DERA: variants seen among roughly 807,000 people sequenced by gnomAD.
DERA encodes the protein deoxyribose-phosphate aldolase.
DERA carries 15 observed loss-of-function variants against 41.1 expected under a neutral mutation model. That is an observed-to-expected ratio of 0.37 (90% CI 0.24 to 0.56). The LOEUF (loss-of-function observed/expected upper bound fraction) is 0.56. Among genes scored for constraint, DERA ranks in the 20% least tolerant of loss-of-function variants. The pLI is 0.81. For missense variants in DERA, 396 were observed against 403.4 expected (o/e 0.98, Z 0.16); for synonymous variants, 139 against 137.4 (o/e 1.01, Z -0.08).
Position 15,982,057 on chromosome 12 carries a change from A to T in DERA, c.509-251A>T, listed in dbSNP as rs1457970563. On this transcript the variant is annotated intron_variant, in intron 5 of 8. Coordinates refer to ENST00000428559, the MANE Select transcript of DERA (RefSeq NM_015954.4). This position sits in a 1 kb window ranked among gnomAD's most constrained non-coding sequence, Gnocchi z 4.0. ...ATTTGCATGTCATTATGATATTTAA[A>T]AAGCTCTATGTCTCTGGACCTCAGG... Among the ~76,000 whole-genome samples the T allele has an allele frequency of 6.6e-6, 1 of 152,188 alleles. No individual in the cohort carries two copies. Among genetic ancestry groups the T allele is most frequent in the Non-Finnish European group, 1.5e-5 (1 of 68,024 alleles).
At position 15,922,905 on chromosome 12, in the gene DERA, G is replaced by C. The variant is rs868643797; in HGVS notation, c.31+11491G>C. Among the ~76,000 whole-genome samples the C allele has an allele frequency of 6.6e-6, 1 of 152,098 alleles. No homozygotes were observed. Among genetic ancestry groups the C allele is most frequent in the Admixed American group, 6.5e-5 (1 of 15,272 alleles). ...CACTCTGGTGGGGGATGTTGATAATGGGGGAGGCTATGCATGTGTGGGGCA... is the reference window on the plus strand; with the variant it reads ...CACTCTGGTGGGGGATGTTGATAATCGGGGAGGCTATGCATGTGTGGGGCA... On this transcript the variant is annotated intron_variant, in intron 1 of 8. Coordinates refer to ENST00000428559, the MANE Select transcript of DERA (RefSeq NM_015954.4). This position sits in a 1 kb window ranked among gnomAD's most constrained non-coding sequence, Gnocchi z 4.9.
intron 7 of DERA, among the ~76,000 whole-genome samples, chr12:16,033,330 T>C (rs1949105395): frequency 6.6e-6 from 1 of 152,244 alleles, no homozygotes; most frequent in South Asian, 2.1e-4. Context: ...GAATTAAATA[T>C]CAATTTTTGC....
intron 1 of DERA, among the ~76,000 whole-genome samples, chr12:15,939,388 G>A (rs1592007885): frequency 6.6e-6 from 1 of 152,178 alleles, no homozygotes; most frequent in Non-Finnish European, 1.5e-5. Flanking sequence ...ATGTTTTGTG[G>A]TGGTTGTTAT....
Position 15,982,730 on chromosome 12 carries a change from C to T in DERA, c.637+294C>T, listed in dbSNP as rs1325200867. Among the ~76,000 whole-genome samples the T allele has an allele frequency of 6.6e-6, 1 of 152,124 alleles. No homozygotes were observed. Among genetic ancestry groups the T allele is most frequent in the Admixed American group, 6.5e-5 (1 of 15,272 alleles). ...TTCTGTTTTATTCTTTGATTATTCA[C>T]TCATCAACATATGTTAGACAGGAAT... On this transcript the variant is annotated intron_variant, in intron 6 of 8. Transcript: ENST00000428559. The surrounding 1 kb of genome is among the most constrained non-coding windows in gnomAD (Gnocchi z 4.0).
rs540039292 is a variant in DERA, at chr12:16,017,847, T to G, written c.638-14695T>G. 1.3e-5 allele frequency among the ~76,000 whole-genome samples: 2 copies of G among 152,232 alleles called. No homozygotes were observed. The highest frequency in any genetic ancestry group is 3.9e-4 in the East Asian group (2 of 5,180). On this transcript the variant is annotated intron_variant, in intron 6 of 8. Transcript: ENST00000428559. This position sits in a 1 kb window ranked among gnomAD's most constrained non-coding sequence, Gnocchi z 5.5. ...TAATGAATAATGTACCCAAAAGCTC[T>G]TATTATAGGGTTGGTATGAATTCCA...
intron 5 of DERA, among the ~76,000 whole-genome samples, chr12:15,969,186 T>A (rs563754936): frequency 6.6e-6 from 1 of 152,244 alleles, no homozygotes; most frequent in Non-Finnish European, 1.5e-5. Flanking sequence ...CCAGAAGTTG[T>A]TCATCATTTC....
chr12:15,928,697 T>C lies in DERA; in HGVS notation c.31+17283T>C, dbSNP rs1948305245. On this transcript the variant is annotated intron_variant, in intron 1 of 8. Transcript: ENST00000428559. The surrounding 1 kb of genome is among the most constrained non-coding windows in gnomAD (Gnocchi z 4.6). ...TATTAAAAGCTGTCTGGGAGAAGAATAGAAAATTCGGCTCTCACTAAAGTG... is the reference window on the plus strand; with the variant it reads ...TATTAAAAGCTGTCTGGGAGAAGAACAGAAAATTCGGCTCTCACTAAAGTG... 6.6e-6 allele frequency among the ~76,000 whole-genome samples: 1 copy of C among 152,028 alleles called. No individual in the cohort carries two copies. The highest frequency in any genetic ancestry group is 2.4e-5 in the African/African-American group (1 of 41,342).
chr12:15,930,797 TA>T (rs2136130163), intron 1 of DERA, among the ~76,000 whole-genome samples: 1 of 152,226 alleles, frequency 6.6e-6, no homozygotes, highest in East Asian at 1.9e-4. Context: ...GTATGAAAAG[TA>T]AATGTTCCTG....
Position 15,995,416 on chromosome 12 carries a change from T to C in DERA, c.637+12980T>C, listed in dbSNP as rs57968352. Among the ~76,000 whole-genome samples, 9,940 of 152,150 alleles carry C rather than the reference T, an allele frequency of 0.065. 1,045 individuals carry two copies. Among genetic ancestry groups the C allele is most frequent in the African/African-American group, 0.22 (9,154 of 41,470 alleles). On this transcript the variant is annotated intron_variant, in intron 6 of 8. Coordinates refer to ENST00000428559, the MANE Select transcript of DERA (RefSeq NM_015954.4). The surrounding 1 kb of genome is among the most constrained non-coding windows in gnomAD (Gnocchi z 5.1). ...AGAGCTAAAAGATCTCTTCTCAGGC[T>C]GCTTCCACTGTTATTTGTGTTTAGC...
chr12:15,949,064 C>T (rs962242864), intron 1 of DERA, among the ~76,000 whole-genome samples: 9 of 152,106 alleles, frequency 5.9e-5, no homozygotes, highest in East Asian at 1.9e-4. Context: ...CTGGGAGCTT[C>T]GTCTCAGAGG....
intron 5 of DERA, among the ~76,000 whole-genome samples, chr12:15,973,588 A>T (rs765046168): frequency 6.6e-6 from 1 of 152,206 alleles, no homozygotes; most frequent in Non-Finnish European, 1.5e-5. Context: ...ATATTTAACT[A>T]TAAGGACATT....
chr12:15,956,793 A>G, intron 1 of DERA, 143 bp from the exon 2 acceptor site: 1 of 745,198 alleles, frequency 1.3e-6, no homozygotes, highest in Non-Finnish European at 2.4e-6. Flanking sequence ...TTGTTTATTT[A>G]TAGTTGTACA....
At chr12:15,944,619 C>G (rs892983425) in intron 1 of DERA, among the ~76,000 whole-genome samples, 17 of 152,078 alleles carry the variant, frequency 1.1e-4, no homozygotes, top group Non-Finnish European at 2.4e-4. Context: ...TTTGTATATT[C>G]TGGATATTAG....
In DERA at chr12:16,024,748, T is replaced by G. The variant is rs141335450; in HGVS notation, c.638-7794T>G. Among the ~76,000 whole-genome samples the G allele has an allele frequency of 4.0e-4, 61 of 152,286 alleles. 1 individual carries two copies. Among genetic ancestry groups the G allele is most frequent in the African/African-American group, 1.4e-3 (58 of 41,578 alleles). On this transcript the variant is annotated intron_variant, in intron 6 of 8. Transcript: ENST00000428559. ...TTTCTCAGGGAGAAGAAAACTTATA[T>G]AGATCAGAAGCTTTGATCTGCATTT...
rs1948368696 is a variant in DERA at position 15,936,880 on chromosome 12, CTTGTCT to C, written c.32-20054_32-20049del. On this transcript the variant is annotated intron_variant, in intron 1 of 8. Transcript: ENST00000428559. The surrounding 1 kb of genome is among the most constrained non-coding windows in gnomAD (Gnocchi z 4.6). ...CTTGTCTTGTCTTGTCTTGTCTTGT[CTTGTCT>C]TGTCCTGTCCTGTCCTGTCCTGTCC... Among the ~76,000 whole-genome samples the C allele has an allele frequency of 4.1e-5, 6 of 144,656 alleles. No individual in the cohort carries two copies. Among genetic ancestry groups the C allele is most frequent in the African/African-American group, 1.1e-4 (4 of 37,484 alleles). The allele number at this position is 144,656 out of a possible 152,430, so 94.9% of individuals were successfully genotyped here.
Position 15,922,298 on chromosome 12 carries a change from T to TTAATCATTTAG in DERA, c.31+10884_31+10885insTAATCATTTAG, listed in dbSNP as rs1294367731. 9.2e-5 allele frequency among the ~76,000 whole-genome samples: 14 copies of TTAATCATTTAG among 152,234 alleles called. No individual in the cohort carries two copies. The highest frequency in any genetic ancestry group is 1.9e-4 in the Non-Finnish European group (13 of 68,042). ...AATGATTAGCCAGTCAACATTGTAT[T>TTAATCATTTAG]ATTAACCTTTAGATAATCATTTAAA... On this transcript the variant is annotated intron_variant, in intron 1 of 8. Coordinates refer to ENST00000428559, the MANE Select transcript of DERA (RefSeq NM_015954.4). This position sits in a 1 kb window ranked among gnomAD's most constrained non-coding sequence, Gnocchi z 4.9.
rs2136191720 is a variant in DERA at position 16,035,874 on chromosome 12, C to T, written c.751-358C>T. On this transcript the variant is annotated intron_variant, in intron 7 of 8. Coordinates refer to ENST00000428559, the MANE Select transcript of DERA (RefSeq NM_015954.4). This position sits in a 1 kb window ranked among gnomAD's most constrained non-coding sequence, Gnocchi z 4.1. ...GGAAATGTAGAATGAGTGGGCTTTGCTTTTGTGATCTGTTTTCCTATTTAT... is the reference window on the plus strand; with the variant it reads ...GGAAATGTAGAATGAGTGGGCTTTGTTTTTGTGATCTGTTTTCCTATTTAT... 6.6e-6 allele frequency among the ~76,000 whole-genome samples: 1 copy of T among 152,256 alleles called. No individual in the cohort carries two copies. The highest frequency in any genetic ancestry group is 2.4e-5 in the African/African-American group (1 of 41,558).
intron 6 of DERA, among the ~76,000 whole-genome samples, chr12:15,987,087 CTTTT>C (rs1416915642): frequency 2.6e-5 from 4 of 152,034 alleles, no homozygotes; most frequent in Admixed American, 2.6e-4. Flanking sequence ...TTCCTTTTGT[CTTTT>C]TTGTTTTCCC....
chr12:15,948,618 T>G (rs1021808113), intron 1 of DERA, among the ~76,000 whole-genome samples: 1 of 152,146 alleles, frequency 6.6e-6, no homozygotes, highest in African/African-American at 2.4e-5. Context: ...TTTTTGAAGG[T>G]TTTTATCTTC....
Sources: allele counts gnomAD v4.1 joint callset (sites outside exome capture counted in the v4.1 genomes callset), GRCh38; gene constraint gnomAD v4.1.1; non-coding constraint Gnocchi (gnomAD v3.1); transcripts MANE v1.5; gene names NCBI Gene and HGNC (gene_info 2026-07-23, HGNC 2026-07-21).